SYNE1: variants seen among roughly 807,000 people sequenced by gnomAD.
SYNE1 encodes the protein nesprin-1.
In SYNE1, 616 loss-of-function variants were observed where a neutral mutation model predicts 1,111.0. The observed-to-expected ratio is 0.55, with a 90% CI of 0.52 to 0.59. SYNE1 has a LOEUF of 0.59. Among genes scored for constraint, SYNE1 ranks in the 20% least tolerant of loss-of-function variants. The pLI is 0.00. For synonymous variants in SYNE1, 3,855 were observed against 3,825.8 expected (o/e 1.01, Z -0.28); for missense variants, 10,006 against 10,417.0 (o/e 0.96, Z 1.72).
Position 152,321,346 on chromosome 6 carries a change from T to G in SYNE1, c.16128A>C (p.Lys5376Asn), listed in dbSNP as rs746203154. The G allele has an allele frequency of 3.7e-6, 6 of 1,613,930 alleles. No individual in the cohort carries two copies. The highest frequency in any genetic ancestry group is 3.3e-5 in the South Asian group (3 of 91,062). The part of the protein sequence containing the change: ...EATNHRQNIE[K>N]MAEEQKEKYL... ...ACTTCTCCTTCTGTTCTTCTGCCAT[T>G]TTTTCAATGTTCTGTCGGTGATTTG... The change falls in exon 84 of 146, where the codon AAA (lysine) becomes AAC (asparagine). Residue 5376 changes from lysine (K) to asparagine (N), a missense_variant. This residue lies in a region of SYNE1 where 4,955 missense variants were observed against 5,017.2 expected (regional missense o/e 0.99). Coordinates refer to ENST00000367255, the MANE Select transcript of SYNE1 (RefSeq NM_182961.4).
At chr6:152,295,398 A>G (rs2094821507) in intron 93 of SYNE1, among the ~76,000 whole-genome samples, 1 of 151,996 alleles carries the variant, frequency 6.6e-6, no homozygotes. Flanking sequence ...ATAGCTTTAG[A>G]TCCATTGATC....
chr6:152,305,542 G>C (rs2095347643), intron 91 of SYNE1, among the ~76,000 whole-genome samples: 1 of 152,152 alleles, frequency 6.6e-6, no homozygotes, highest in Non-Finnish European at 1.5e-5. Context: ...GGGATTACAA[G>C]TGTGAGCCAC....
intron 3 of SYNE1, among the ~76,000 whole-genome samples, chr6:152,616,321 C>G (rs1413742121): frequency 2.0e-5 from 3 of 152,116 alleles, no homozygotes; most frequent in Non-Finnish European, 4.4e-5. Context: ...CACCTGTAAT[C>G]CCAACACTTT....
intron 104 of SYNE1, among the ~76,000 whole-genome samples, chr6:152,250,549 A>G (rs1034117308): frequency 3.3e-5 from 5 of 152,228 alleles, no homozygotes; most frequent in Admixed American, 6.5e-5. Context: ...AAAAATTATA[A>G]AATTGAAAAT....
intron 3 of SYNE1, among the ~76,000 whole-genome samples, chr6:152,609,745 C>T (rs1258773347): frequency 2.0e-5 from 3 of 152,102 alleles, no homozygotes; most frequent in Non-Finnish European, 4.4e-5. Flanking sequence ...CTCATATAGG[C>T]AGGTCTATAT....
In SYNE1 at chr6:152,347,104, C is replaced by G; in HGVS notation, c.12033G>C (p.Gln4011His). ...TCGCTGAGTAGCTGTCCTTTGTGCC[C>G]TGCAGATGAGCATGCACGTTTTGTT... ...KLKQNVHAHL[Q>H]GTKDSYSAIC... Residue 4011 changes from glutamine to histidine, a missense_variant, in exon 73 of 146, where the codon CAG becomes CAC. Physicochemically the swap from Gln to His is conservative, Grantham distance 24. Transcript: ENST00000367255. The G allele has an allele frequency of 6.2e-7, 1 of 1,614,208 alleles. No individual in the cohort carries two copies. The highest frequency in any genetic ancestry group is 8.5e-7 in the Non-Finnish European group (1 of 1,180,034).
chr6:152,168,466 A>G, intron 130 of SYNE1: 3 of 440,562 alleles, frequency 6.8e-6, no homozygotes, highest in Non-Finnish European at 1.2e-5. Flanking sequence ...GCTCAGTGTA[A>G]TCTGTAAGGA....
chr6:152,336,410 G>C (rs1277215909), intron 76 of SYNE1: 1 of 207,234 alleles, frequency 4.8e-6, no homozygotes, highest in Admixed American at 5.3e-5. Context: ...ACCTGGGATG[G>C]GTTTTGTGGA....
chr6:152,588,040 A>G (rs1054809914), intron 3 of SYNE1, among the ~76,000 whole-genome samples: 1 of 152,230 alleles, frequency 6.6e-6, no homozygotes, highest in Non-Finnish European at 1.5e-5. Flanking sequence ...CACTTATCTT[A>G]GACATAGATG....
In SYNE1 at chr6:152,334,193, C is replaced by T. The variant is rs186937478; in HGVS notation, c.12609G>A (p.Glu4203=). 87 of 1,614,110 alleles carry T rather than the reference C, an allele frequency of 5.4e-5. No individual in the cohort carries two copies. In the Admixed American group the frequency reaches 1.1e-3, roughly 21 times the overall value. ...IEKVNKLTKK[E]ESPEHKEINH... ...TTATTTCCTTGTGTTCAGGCGATTC[C>T]TCCTTCTTTGTTAACTTATTCACCT... The change falls in exon 77 of 146, where the codon GAG becomes GAA. Residue 4203 remains glutamate, a synonymous_variant. Coordinates refer to ENST00000367255, the MANE Select transcript of SYNE1 (RefSeq NM_182961.4).
intron 4 of SYNE1, among the ~76,000 whole-genome samples, chr6:152,531,377 A>G (rs1030324401): frequency 1.3e-5 from 2 of 152,204 alleles, no homozygotes; most frequent in Non-Finnish European, 2.9e-5. Flanking sequence ...GGTAGAGGAC[A>G]TGAACAGAAA....
intron 58 of SYNE1, among the ~76,000 whole-genome samples, chr6:152,373,645 C>G (rs997075787): frequency 6.7e-6 from 1 of 148,544 alleles, no homozygotes; most frequent in Non-Finnish European, 1.5e-5. Context: ...CGTTAAATGA[C>G]CCAGGTTATC....
intron 3 of SYNE1, among the ~76,000 whole-genome samples, chr6:152,553,727 T>G (rs571059224): frequency 6.6e-6 from 1 of 152,326 alleles, no homozygotes; most frequent in South Asian, 2.1e-4. Context: ...TATATTTGCA[T>G]CTGCCTTGGT....
At chr6:152,174,921 C>T (rs527869289) in intron 130 of SYNE1, among the ~76,000 whole-genome samples, 36 of 152,336 alleles carry the variant, frequency 2.4e-4, no homozygotes, top group African/African-American at 7.5e-4. Flanking sequence ...AGGCTGGGTG[C>T]GGTGGCTCAC....
At chr6:152,450,490 T>C (rs2098638467) in intron 27 of SYNE1, 135 bp downstream of exon 27, 1 of 935,154 alleles carries the variant, frequency 1.1e-6, no homozygotes, top group African/African-American at 1.6e-5. Context: ...TCCATTCCTT[T>C]TATTAAATGA....
chr6:152,424,675 T>C (rs1176110652), intron 39 of SYNE1, among the ~76,000 whole-genome samples: 1 of 152,142 alleles, frequency 6.6e-6, no homozygotes. Context: ...AATAAATAAA[T>C]AATAGAATAA....
intron 50 of SYNE1, 73 bp from the exon 51 acceptor site, chr6:152,395,744 C>A: frequency 1.3e-6 from 2 of 1,535,562 alleles, no homozygotes; most frequent in South Asian, 2.2e-5. Context: ...TAGCTGAGGT[C>A]ACAATGTCTT....
At chr6:152,139,915 GTT>G in intron 140 of SYNE1, 33 bp downstream of exon 140, 1 of 594,440 alleles carries the variant, frequency 1.7e-6, no homozygotes, top group Non-Finnish European at 2.2e-6. Flanking sequence ...GTGGCTCTCT[GTT>G]TGTCCGCCGT....
At chr6:152,517,337 A>T (rs554364874) in intron 6 of SYNE1, among the ~76,000 whole-genome samples, 3 of 152,346 alleles carry the variant, frequency 2.0e-5, no homozygotes, top group African/African-American at 7.2e-5. Flanking sequence ...TTTTGGTATT[A>T]CTAAGCACAG....
Sources: gnomAD v4.1 joint callset for allele counts (sites outside exome capture counted in the v4.1 genomes callset) on GRCh38, gnomAD v4.1.1 for gene constraint, gnomAD v4.1.1 regional missense constraint, MANE v1.5 for transcripts, NCBI Gene and HGNC (gene_info 2026-07-23, HGNC 2026-07-21) for gene names.